NRBP1: variants seen among roughly 807,000 people sequenced by gnomAD.
NRBP1 encodes nuclear receptor-binding protein.
NRBP1 carries 10 observed loss-of-function variants against 76.0 expected under a neutral mutation model. The ratio of observed to expected loss-of-function variants is 0.13; its 90% confidence interval spans 0.08 to 0.22. The LOEUF is 0.22. Among genes scored for constraint, NRBP1 ranks in the 10% least tolerant of loss-of-function variants. The probability of loss-of-function intolerance (pLI) is 1.00; values close to 1 mark genes in which losing one functional copy is unlikely to be tolerated. For synonymous variants in NRBP1, 235 were observed against 240.2 expected, an observed-to-expected ratio of 0.98 and a Z score of 0.20; for missense variants, 344 against 646.0, an observed-to-expected ratio of 0.53 and a Z score of 5.07.
chr2:27,433,490 T>G lies in NRBP1; in HGVS notation c.210+7T>G. 1.9e-6 allele frequency: 3 copies of G among 1,613,572 alleles called. No homozygotes were observed. Among genetic ancestry groups the G allele is most frequent in the Non-Finnish European group, 2.5e-6 (3 of 1,179,778 alleles). ...GCAGAAGAGGCGAGAAGAGGTAAGG[T>G]TATGGTACAGTTACTCTTGGGTGAG... On this transcript the variant is annotated splice_region_variant and intron_variant, in intron 2 of 17. Transcript: ENST00000379852.
intron 12 of NRBP1, 39 bp from the exon 13 acceptor site, chr2:27,440,613 G>C (rs143529648): frequency 1.2e-6 from 2 of 1,613,196 alleles, no homozygotes; most frequent in Admixed American, 1.7e-5. Context: ...TATTTTGCTT[G>C]TTTCTTTCCT....
chr2:27,435,557 G>A (rs1664271679), intron 7 of NRBP1: 1 of 658,086 alleles, frequency 1.5e-6, no homozygotes, highest in Non-Finnish European at 2.8e-6. Context: ...TGTTCCTGCT[G>A]TGAGTGCTTT....
At chr2:27,434,238 G>C in intron 4 of NRBP1, 148 bp downstream of exon 4, 1 of 749,152 alleles carries the variant, frequency 1.3e-6, no homozygotes, top group Non-Finnish European at 2.2e-6. Context: ...TAGGGCTTCA[G>C]TTGTCACCTA....
chr2:27,429,054 G>GGGCGGC (rs1663992684), intron 1 of NRBP1: 1 of 197,198 alleles, frequency 5.1e-6, no homozygotes, highest in African/African-American at 2.3e-5. Context: ...GCGGGGGCGG[G>GGGCGGC]GGCGGCGGTC....
intron 6 of NRBP1, 55 bp from the exon 7 acceptor site, chr2:27,435,078 T>C: frequency 1.9e-6 from 2 of 1,055,846 alleles, no homozygotes; most frequent in Non-Finnish European, 2.9e-6. Context: ...AACCCTTGGG[T>C]TCCCCCTGCC....
Position 27,441,135 on chromosome 2 carries a change from G to A in NRBP1, c.1338G>A (p.Leu446=), listed in dbSNP as rs1664533946. The change falls in exon 15 of 18, where the codon CTG becomes CTA. Residue 446 remains leucine (L), a synonymous_variant. Transcript: ENST00000379852. ...CTCTCTTCCCTCCCTAGGTGGTGCT[G>A]ATGCAGTGCAACATTGAGTCGGTGG... The part of the protein sequence containing the change: ...PAEVETRKVV[L]MQCNIESVEE... 1 of 1,613,548 alleles carries A rather than the reference G, an allele frequency of 6.2e-7. No individual in the cohort carries two copies. The highest frequency in any genetic ancestry group is 1.7e-5 in the Admixed American group (1 of 59,996).
Position 27,441,983 on chromosome 2 carries a change from T to C in NRBP1, c.*171T>C. On this transcript the variant is annotated 3_prime_UTR_variant, in exon 18 of 18. Transcript: ENST00000379852. Reference sequence around the variant, plus strand: ...CTGAGCATCATCCTTTCCCCTCCCCTCTCTTCCTCCCCTCTGCACTTTGTT... The same window carrying C: ...CTGAGCATCATCCTTTCCCCTCCCCCCTCTTCCTCCCCTCTGCACTTTGTT... 1.7e-6 allele frequency: 1 copy of C among 596,670 alleles called. No homozygotes were observed. The highest frequency in any genetic ancestry group is 3.0e-6 in the Non-Finnish European group (1 of 336,302). The allele number at this position is 596,670 out of a possible 1,614,324, so 37.0% of individuals were successfully genotyped here.
chr2:27,432,558 A>G (rs1343379403), intron 1 of NRBP1, among the ~76,000 whole-genome samples: 2 of 151,548 alleles, frequency 1.3e-5, no homozygotes, highest in Non-Finnish European at 2.9e-5. Flanking sequence ...GCAGATAAGT[A>G]TTAGGATTAT....
intron 6 of NRBP1, 182 bp downstream of exon 6, chr2:27,434,944 C>G: frequency 1.5e-6 from 1 of 676,090 alleles, no homozygotes; most frequent in African/African-American, 1.8e-5. Flanking sequence ...AACCACGACA[C>G]TTATCTCCTA....
At chr2:27,429,113 C>T (rs1323737167) in intron 1 of NRBP1, 1 of 156,204 alleles carries the variant, frequency 6.4e-6, no homozygotes, top group African/African-American at 2.4e-5. Context: ...GGCCTGCTCG[C>T]GGGGAGGTGC....
At chr2:27,428,350 G>A, upstream of NRBP1, 1 of 296,298 alleles carries the variant, frequency 3.4e-6, no homozygotes, top group South Asian at 1.6e-4. Flanking sequence ...TTCAAGAAGA[G>A]GTAGGAGGCC....
rs1319391876 is a variant in NRBP1, at chr2:27,434,524, G to A, written c.489G>A (p.Lys163=). ...CTGGGAGTCTGAAGCAATTTCTGAA[G>A]AAGACCAAAAAGAACCACAAGACGA... ...MSSGSLKQFL[K]KTKKNHKTMN... is the part of the protein sequence containing the mutation. Residue 163 remains lysine (K), a synonymous_variant, in exon 5 of 18, where the codon AAG becomes AAA. Transcript: ENST00000379852. 1.9e-6 allele frequency: 3 copies of A among 1,614,116 alleles called. No individual in the cohort carries two copies. The highest frequency in any genetic ancestry group is 2.5e-6 in the Non-Finnish European group (3 of 1,179,970).
intron 1 of NRBP1, chr2:27,429,300 C>T (rs1664010368): frequency 6.6e-6 from 1 of 152,572 alleles, no homozygotes; most frequent in East Asian, 1.9e-4. Flanking sequence ...CCGGGTTCCT[C>T]CCCAGAGCGG....
chr2:27,440,355 T>G (rs1355185437), intron 11 of NRBP1, 48 bp from the exon 12 acceptor site: 1 of 1,309,910 alleles, frequency 7.6e-7, no homozygotes, highest in Non-Finnish European at 1.1e-6. Context: ...TCTTTGACAT[T>G]TAATCTGACT....
chr2:27,428,265 G>C (rs999364687), upstream of NRBP1: 2 of 168,702 alleles, frequency 1.2e-5, no homozygotes, highest in Non-Finnish European at 1.3e-5. Flanking sequence ...GCTGGGGTGG[G>C]GGCGCTCCTC....
chr2:27,433,865 G>GA, intron 3 of NRBP1, 70 bp downstream of exon 3: 1 of 1,611,216 alleles, frequency 6.2e-7, no homozygotes, highest in Non-Finnish European at 8.5e-7. Context: ...ATTGGTGTTG[G>GA]GAAGCTGCCC....
intron 10 of NRBP1, 124 bp from the exon 11 acceptor site, chr2:27,439,642 T>TTTTTTTTTTTTTTTGAGACGGAGTCTCGC (rs1664449630): frequency 9.5e-7 from 1 of 1,047,488 alleles, no homozygotes; most frequent in African/African-American, 1.6e-5. Flanking sequence ...ATATATTGTT[T>TTTTTTTTTTTTTTTGAGACGGAGTCTCGC]TCTCAGCAAG....
At chr2:27,429,856 C>T (rs1664035160) in intron 1 of NRBP1, among the ~76,000 whole-genome samples, 1 of 152,212 alleles carries the variant, frequency 6.6e-6, no homozygotes, top group African/African-American at 2.4e-5. Flanking sequence ...CCATTGGCTA[C>T]AGCTTTCCTG....
chr2:27,434,112 T>G, intron 4 of NRBP1, 22 bp downstream of exon 4: 1 of 1,543,942 alleles, frequency 6.5e-7, no homozygotes. Context: ...TTCCCCATAT[T>G]TCCTGAACTT....
Sources: gnomAD v4.1 joint callset for allele counts (sites outside exome capture counted in the v4.1 genomes callset) on GRCh38, gnomAD v4.1.1 for gene constraint, MANE v1.5 for transcripts, NCBI Gene and HGNC (gene_info 2026-07-23, HGNC 2026-07-21) for gene names.